SEC23B: variants seen among roughly 807,000 people sequenced by gnomAD.
The protein encoded by SEC23B is SEC23 homolog B, COPII component.
SEC23B carries 77 observed loss-of-function variants against 104.3 expected under a neutral mutation model. The ratio of observed to expected loss-of-function variants is 0.74; its 90% CI spans 0.61 to 0.89. SEC23B has a LOEUF of 0.89. Among genes scored for constraint, SEC23B ranks in the 40% least tolerant of loss-of-function variants. The pLI is 0.00. For synonymous variants in SEC23B, 338 were observed against 332.5 expected (o/e 1.02, Z -0.18); for missense variants, 885 against 949.4 (o/e 0.93, Z 0.89).
chr20:18,540,266 CAGAA>C (rs970878908), intron 12 of SEC23B, among the ~76,000 whole-genome samples: 4 of 152,184 alleles, frequency 2.6e-5, no homozygotes, highest in African/African-American at 9.7e-5. Context: ...TCATGGGATG[CAGAA>C]CGGATGTTGT....
intron 16 of SEC23B, among the ~76,000 whole-genome samples, chr20:18,550,233 C>CA (rs2060375371): frequency 6.6e-6 from 1 of 151,914 alleles, no homozygotes; most frequent in Non-Finnish European, 1.5e-5. Context: ...TGGCTCACTG[C>CA]AACCTCCGCC....
intron 19 of SEC23B, among the ~76,000 whole-genome samples, chr20:18,557,662 A>G (rs1004698536): frequency 1.3e-5 from 2 of 151,504 alleles, no homozygotes; most frequent in African/African-American, 2.4e-5. Flanking sequence ...AGAAAAACCT[A>G]TTATATTTCT....
chr20:18,511,663 T>C (rs1393942821), intron 2 of SEC23B, among the ~76,000 whole-genome samples: 1 of 152,216 alleles, frequency 6.6e-6, no homozygotes, highest in Non-Finnish European at 1.5e-5. Flanking sequence ...TGCCCATATG[T>C]GAATGCATAG....
intron 17 of SEC23B, among the ~76,000 whole-genome samples, 189 bp from the exon 18 acceptor site, chr20:18,554,046 G>A (rs921051347): frequency 3.3e-5 from 5 of 152,176 alleles, no homozygotes; most frequent in Admixed American, 1.3e-4. Flanking sequence ...ATGCGCAGGC[G>A]GGGGCATTTT....
intron 11 of SEC23B, 74 bp downstream of exon 11, chr20:18,532,818 T>A: frequency 9.2e-7 from 1 of 1,092,746 alleles, no homozygotes; most frequent in Non-Finnish European, 1.4e-6. Context: ...AGCATGATGA[T>A]CTCACATGTG....
intron 19 of SEC23B, among the ~76,000 whole-genome samples, chr20:18,560,184 C>T (rs978544384): frequency 6.6e-5 from 10 of 151,518 alleles, no homozygotes; most frequent in African/African-American, 2.4e-4. Context: ...TCAATTTTTC[C>T]CATAACATTA....
At chr20:18,549,992 A>G (rs528469564) in intron 16 of SEC23B, among the ~76,000 whole-genome samples, 3 of 147,526 alleles carry the variant, frequency 2.0e-5, no homozygotes, top group Non-Finnish European at 4.5e-5. Context: ...AAAATAAAAA[A>G]GAAATAATTA....
chr20:18,542,486 C>T (rs1307575297), intron 13 of SEC23B, 84 bp downstream of exon 13: 2 of 1,279,100 alleles, frequency 1.6e-6, no homozygotes, highest in African/African-American at 1.5e-5. Context: ...GTTAGTTTGT[C>T]TTTTTGATTC....
At chr20:18,527,673 T>C (rs1489820239) in intron 9 of SEC23B, 62 bp downstream of exon 9, 2 of 1,096,070 alleles carry the variant, frequency 1.8e-6, no homozygotes, top group Admixed American at 1.7e-5. Flanking sequence ...GAGAAATTAG[T>C]GATGGAGCCA....
rs1426659438 is a variant in SEC23B at position 18,524,938 on chromosome 20, A to T, written c.607A>T (p.Met203Leu). 6.2e-7 allele frequency: 1 copy of T among 1,613,222 alleles called. No individual in the cohort carries two copies. The highest frequency in any genetic ancestry group is 1.3e-5 in the African/African-American group (1 of 74,788). Residue 203 changes from methionine (M) to leucine (L), a missense_variant, in exon 6 of 20, where the codon ATG becomes TTG. Coordinates refer to ENST00000650089, the MANE Select transcript of SEC23B (RefSeq NM_006363.6). Reference protein sequence around the residue: ...KDLTAKQIQDMLGLTKPAMPM... With the variant: ...KDLTAKQIQDLLGLTKPAMPM... ...TTTTGGCTTTTTTTTTTTTAAGGAT[A>T]TGTTGGGCCTGACCAAGCCAGCCAT...
At chr20:18,553,143 G>A (rs2060404370) in intron 17 of SEC23B, among the ~76,000 whole-genome samples, 1 of 152,222 alleles carries the variant, frequency 6.6e-6, no homozygotes, top group African/African-American at 2.4e-5. Flanking sequence ...TCTTGTGCAA[G>A]TGAGGGGTTC....
chr20:18,551,866 T>C (rs2060389778), intron 17 of SEC23B, among the ~76,000 whole-genome samples: 1 of 152,220 alleles, frequency 6.6e-6, no homozygotes, highest in Non-Finnish European at 1.5e-5. Context: ...TTCAGAGTTA[T>C]ATACATACTG....
chr20:18,556,629 T>A (rs765238087), intron 19 of SEC23B, among the ~76,000 whole-genome samples: 3 of 152,252 alleles, frequency 2.0e-5, no homozygotes, highest in Non-Finnish European at 4.4e-5. Context: ...TTGACTTTAT[T>A]ATCTTTTTAT....
chr20:18,525,067 G>A (rs1409985784), intron 6 of SEC23B, 47 bp downstream of exon 6: 1 of 1,493,164 alleles, frequency 6.7e-7, no homozygotes, highest in Non-Finnish European at 9.3e-7. Flanking sequence ...TGGACATGCA[G>A]ATGATCCATG....
chr20:18,531,817 A>G (rs781663598), intron 10 of SEC23B, among the ~76,000 whole-genome samples: 9 of 152,082 alleles, frequency 5.9e-5, no homozygotes, highest in African/African-American at 2.2e-4. Context: ...TGGGAGGCCA[A>G]GGTGGGGTGA....
At position 18,540,153 on chromosome 20, in the gene SEC23B, T is replaced by C. The variant is rs2060274685; in HGVS notation, c.1405-2143T>C. Among the ~76,000 whole-genome samples the C allele has an allele frequency of 2.6e-5, 4 of 152,244 alleles. No homozygotes were observed. In the South Asian group the frequency reaches 8.3e-4, roughly 32 times the overall value. On this transcript the variant is annotated intron_variant, in intron 12 of 19. Coordinates refer to ENST00000650089, the MANE Select transcript of SEC23B (RefSeq NM_006363.6). ...ATCCTTTTCAGAAGATTCTTCATTTTCTTTGCCCAGATCCATCCCAGGAAT... is the reference window on the plus strand; with the variant it reads ...ATCCTTTTCAGAAGATTCTTCATTTCCTTTGCCCAGATCCATCCCAGGAAT...
rs2122202401 is a variant in SEC23B at position 18,561,251 on chromosome 20, C to T, written c.*511C>T. 1 of 157,322 alleles carries T rather than the reference C, an allele frequency of 6.4e-6. No individual in the cohort carries two copies. Among genetic ancestry groups the T allele is most frequent in the East Asian group, 1.9e-4 (1 of 5,372 alleles). The allele number at this position is 157,322 out of a possible 1,614,324, so 9.7% of individuals were successfully genotyped here. On this transcript the variant is annotated 3_prime_UTR_variant, in exon 20 of 20. Transcript: ENST00000650089. ...AACAAATATACCTTATCCTAAAGAG[C>T]TCATAACAAATAAGTTACCTCCACT...
chr20:18,530,290 C>T (rs1299885417), intron 9 of SEC23B, among the ~76,000 whole-genome samples: 4 of 151,554 alleles, frequency 2.6e-5, no homozygotes, highest in African/African-American at 4.8e-5. Flanking sequence ...CTTGCTCTGT[C>T]GCCCAGGCTG....
chr20:18,544,318 A>T (rs1362491904), intron 14 of SEC23B, among the ~76,000 whole-genome samples: 1 of 152,214 alleles, frequency 6.6e-6, no homozygotes, highest in Non-Finnish European at 1.5e-5. Context: ...AAGTGTCAAC[A>T]TTTCAAACAT....
Sources: gnomAD v4.1 joint callset for allele counts (sites outside exome capture counted in the v4.1 genomes callset) on GRCh38, gnomAD v4.1.1 for gene constraint, MANE v1.5 for transcripts, NCBI Gene and HGNC (gene_info 2026-07-23, HGNC 2026-07-21) for gene names.